DNASE1: variants seen among roughly 807,000 people sequenced by gnomAD.
DNASE1 encodes deoxyribonuclease-1.
DNASE1 carries 40 observed loss-of-function variants against 33.9 expected under a neutral mutation model. That is an observed-to-expected ratio of 1.18 (90% CI 0.92 to 1.54). DNASE1 has a LOEUF of 1.54. Among genes scored for constraint, DNASE1 ranks in the 40% most tolerant of loss-of-function variants. The pLI is 0.00. For missense variants in DNASE1, 518 were observed against 372.6 expected, an observed-to-expected ratio of 1.39 and a Z score of -3.21; for synonymous variants, 216 against 160.0, an observed-to-expected ratio of 1.35 and a Z score of -2.64.
At chr16:3,662,797 C>T (rs534227324), downstream of DNASE1, 73 of 1,318,002 alleles carry the variant, frequency 5.5e-5, no homozygotes, top group African/African-American at 3.0e-4. Context: ...GGACACCCAA[C>T]GGGCCAGGTA....
chr16:3,648,642 C>G (rs1398649434), intron 1 of DNASE1, among the ~76,000 whole-genome samples: 1 of 152,204 alleles, frequency 6.6e-6, no homozygotes, highest in African/African-American at 2.4e-5. Flanking sequence ...TAGTGAGACC[C>G]TGTTCCTAAA....
chr16:3,658,687 A>C, downstream of DNASE1: 1 of 1,160,148 alleles, frequency 8.6e-7, no homozygotes, highest in African/African-American at 1.6e-5. Flanking sequence ...ACAAACAAAC[A>C]AACAAAAAGA....
upstream of DNASE1, chr16:3,653,540 G>C (rs1342173063): frequency 6.6e-6 from 1 of 152,080 alleles, no homozygotes. Flanking sequence ...TGGGTGCGAT[G>C]GCTCACGCCT....
upstream of DNASE1, among the ~76,000 whole-genome samples, chr16:3,638,318 T>G (rs1202259271): frequency 6.6e-6 from 1 of 152,162 alleles, no homozygotes; most frequent in Non-Finnish European, 1.5e-5. Flanking sequence ...TGGTGCAGTC[T>G]TCTTCAGGTT....
chr16:3,665,013 CAGAA>C (rs1478585094), exon 10 of DNASE1: 2 of 154,032 alleles, frequency 1.3e-5, no homozygotes, highest in African/African-American at 2.4e-5. Context: ...AGGGGGAAAA[CAGAA>C]AGAGGGAAAA....
At chr16:3,613,126 G>C (rs1325768876) in intron 1 of DNASE1, among the ~76,000 whole-genome samples, 2 of 152,012 alleles carry the variant, frequency 1.3e-5, no homozygotes, top group Admixed American at 1.3e-4. Context: ...CCCATTCGTA[G>C]TCACTCCGCA....
intron 1 of DNASE1, among the ~76,000 whole-genome samples, chr16:3,614,114 A>G (rs377295949): frequency 9.9e-5 from 15 of 151,896 alleles, no homozygotes; most frequent in East Asian, 1.9e-4. Context: ...GGGTTTCACC[A>G]TATTAGCCAG....
At chr16:3,650,409 T>C (rs1459445125), upstream of DNASE1, among the ~76,000 whole-genome samples, 4 of 152,196 alleles carry the variant, frequency 2.6e-5, no homozygotes, top group Non-Finnish European at 5.9e-5. Flanking sequence ...AGCTGAGACA[T>C]TGCATGAAAG....
chr16:3,620,187 A>T (rs1198552715), intron 1 of DNASE1, among the ~76,000 whole-genome samples: 1 of 152,150 alleles, frequency 6.6e-6, no homozygotes, highest in Non-Finnish European at 1.5e-5. Context: ...AAGCGCTGGG[A>T]TTACAGGCAT....
At chr16:3,639,126 A>G (rs1308484523), upstream of DNASE1, among the ~76,000 whole-genome samples, 1 of 152,158 alleles carries the variant, frequency 6.6e-6, no homozygotes, top group Non-Finnish European at 1.5e-5. Context: ...CATGTCTGTT[A>G]TAGCAGTTAT....
At chr16:3,658,750 G>T (rs1361027563), downstream of DNASE1, 3 of 1,577,296 alleles carry the variant, frequency 1.9e-6, no homozygotes, top group Non-Finnish European at 1.7e-6. Context: ...TGGCAGGGCT[G>T]GTAGCCTGGG....
intron 1 of DNASE1, among the ~76,000 whole-genome samples, chr16:3,630,739 T>A (rs2041671644): frequency 6.6e-6 from 1 of 152,136 alleles, no homozygotes; most frequent in Non-Finnish European, 1.5e-5. Context: ...AAGTGATTCT[T>A]TTTTGTAGTC....
chr16:3,642,870 C>T (rs1333923826), upstream of DNASE1: 2 of 152,466 alleles, frequency 1.3e-5, no homozygotes, highest in Non-Finnish European at 2.9e-5. Flanking sequence ...CAGCCCCTCC[C>T]CTTTTCAATG....
Position 3,656,155 on chromosome 16 carries a change from G to C in DNASE1, c.290G>C (p.Ser97Thr), listed in dbSNP as rs1567209862. The change falls in exon 4 of 9, where the codon AGC becomes ACC. Residue 97 changes from serine (S) to threonine (T), a missense_variant. Transcript: ENST00000246949. Reference sequence around the variant, plus strand: ...GTCAGTGAGCCACTGGGACGGAACAGCTATAAGGAGCGCTACCTGTTCGTG... The same window carrying C: ...GTCAGTGAGCCACTGGGACGGAACACCTATAAGGAGCGCTACCTGTTCGTG... ...YVVSEPLGRN[S>T]YKERYLFVYR... 1.2e-6 allele frequency: 2 copies of C among 1,614,128 alleles called. No individual in the cohort carries two copies. The highest frequency in any genetic ancestry group is 2.2e-5 in the East Asian group (1 of 44,882).
rs1478104044 is a variant in DNASE1 at position 3,656,690 on chromosome 16, C to T, written c.373C>T (p.Pro125Ser). 11 of 1,613,314 alleles carry T rather than the reference C, an allele frequency of 6.8e-6. No homozygotes were observed. Among genetic ancestry groups the T allele is most frequent in the South Asian group, 1.1e-5 (1 of 90,936 alleles). ...DSYYYDDGCEPCGNDTFNREP... is the reference protein window; with the variant it reads ...DSYYYDDGCESCGNDTFNREP... ...CTACTACTACGATGATGGCTGCGAG[C>T]CCTGCGGGAACGACACCTTCAACCG... Residue 125 changes from proline to serine, a missense_variant, in exon 5 of 9, where the codon CCC becomes TCC. Pro to Ser is a moderately conservative substitution (Grantham distance 74). Coordinates refer to ENST00000246949, the MANE Select transcript of DNASE1 (RefSeq NM_005223.4).
At chr16:3,655,310 G>A in intron 1 of DNASE1, 63 bp from the exon 2 acceptor site, 1 of 1,608,208 alleles carries the variant, frequency 6.2e-7, no homozygotes, top group Non-Finnish European at 8.5e-7. Flanking sequence ...CCAGAAGGCT[G>A]GAGTGCTGTG....
intron 1 of DNASE1, among the ~76,000 whole-genome samples, chr16:3,633,664 A>G (rs112270858): frequency 9.9e-5 from 15 of 152,048 alleles, no homozygotes; most frequent in African/African-American, 3.6e-4. Flanking sequence ...TACAGTTACA[A>G]CTAATCCAAT....
chr16:3,654,592 G>A (rs1456975852), upstream of DNASE1: 1 of 398,548 alleles, frequency 2.5e-6, no homozygotes, highest in Non-Finnish European at 4.4e-6. Context: ...GCCCTATCCT[G>A]GAAGATGGGG....
chr16:3,620,163 G>A (rs1055311798), intron 1 of DNASE1, among the ~76,000 whole-genome samples: 4 of 151,302 alleles, frequency 2.6e-5, no homozygotes, highest in South Asian at 2.1e-4. Context: ...TGATCCACCC[G>A]CATCGGCTTC....
Sources: gnomAD v4.1 joint callset for allele counts (sites outside exome capture counted in the v4.1 genomes callset) on GRCh38, gnomAD v4.1.1 for gene constraint, MANE v1.5 for transcripts, NCBI Gene and HGNC (gene_info 2026-07-23, HGNC 2026-07-21) for gene names.